Variants in PAM observed in about 807,000 individuals in gnomAD.
The protein encoded by PAM is peptidyl-glycine alpha-amidating monooxygenase.
In PAM, 72 loss-of-function variants were observed where a neutral mutation model predicts 122.1. The ratio of observed to expected loss-of-function variants is 0.59; its 90% CI spans 0.49 to 0.72. The LOEUF is 0.72. Among genes scored for constraint, PAM ranks in the 30% least tolerant of loss-of-function variants. The pLI, the probability that PAM is intolerant of heterozygous loss-of-function variation, is 0.00. For synonymous variants in PAM, 389 were observed against 404.4 expected (o/e 0.96, Z 0.46); for missense variants, 1,106 against 1,183.7 (o/e 0.93, Z 0.96).
intron 5 of PAM, among the ~76,000 whole-genome samples, chr5:102,916,496 A>C (rs908784615): frequency 1.3e-5 from 2 of 151,810 alleles, no homozygotes; most frequent in Admixed American, 1.3e-4. Flanking sequence ...GCTGTTATTC[A>C]TCATCTTTTA....
At chr5:102,783,778 C>T (rs968707014) in intron 1 of PAM, among the ~76,000 whole-genome samples, 2 of 152,138 alleles carry the variant, frequency 1.3e-5, no homozygotes, top group Non-Finnish European at 2.9e-5. Context: ...TAGAACCCAG[C>T]GCCTGCCGTC....
chr5:102,938,290 A>G (rs1753938261), intron 7 of PAM, among the ~76,000 whole-genome samples: 1 of 152,180 alleles, frequency 6.6e-6, no homozygotes, highest in Admixed American at 6.6e-5. Context: ...CATTGATTCC[A>G]TGGGACACCT....
At chr5:102,919,560 C>T (rs558742087) in intron 5 of PAM, among the ~76,000 whole-genome samples, 6 of 152,110 alleles carry the variant, frequency 3.9e-5, no homozygotes, top group Non-Finnish European at 8.8e-5. Flanking sequence ...ACATCCTTGT[C>T]AGTATAAATA....
intron 18 of PAM, among the ~76,000 whole-genome samples, chr5:103,006,504 A>G (rs2151059089): frequency 6.6e-6 from 1 of 152,310 alleles, no homozygotes; most frequent in Non-Finnish European, 1.5e-5. Flanking sequence ...GAAAGACAAA[A>G]AGGAAACATC....
intron 1 of PAM, among the ~76,000 whole-genome samples, chr5:102,788,643 C>T (rs1761229285): frequency 6.6e-6 from 1 of 151,938 alleles, no homozygotes; most frequent in Non-Finnish European, 1.5e-5. Context: ...TTTTTGACAC[C>T]ACTGAGTAAC....
chr5:102,981,788 A>G (rs1324814675), intron 15 of PAM, among the ~76,000 whole-genome samples: 3 of 152,234 alleles, frequency 2.0e-5, no homozygotes, highest in Admixed American at 2.0e-4. Context: ...TTTGACAACT[A>G]CATGAGAGAA....
chr5:102,979,722 T>G (rs1460529390), intron 15 of PAM, among the ~76,000 whole-genome samples: 3 of 152,134 alleles, frequency 2.0e-5, no homozygotes, highest in Non-Finnish European at 2.9e-5. Context: ...TCACTAATAT[T>G]AATCTCTTTC....
chr5:102,863,001 T>A (rs189768069), intron 1 of PAM, among the ~76,000 whole-genome samples: 11,330 of 146,258 alleles, frequency 0.077, 841 homozygotes, highest in East Asian at 0.2. Flanking sequence ...TTTTTTTTTT[T>A]AAAAAAAAAT....
At chr5:102,870,478 T>G (rs1036780215) in intron 3 of PAM, among the ~76,000 whole-genome samples, 3 of 152,152 alleles carry the variant, frequency 2.0e-5, no homozygotes, top group African/African-American at 7.2e-5. Context: ...GGCCTCTGAG[T>G]TGCCATTCTG....
chr5:102,964,144 G>C (rs1230551976), intron 14 of PAM, among the ~76,000 whole-genome samples: 2 of 151,824 alleles, frequency 1.3e-5, no homozygotes, highest in Non-Finnish European at 1.5e-5. Context: ...GATCTTTAAA[G>C]AAAGCCAGTG....
chr5:102,979,449 A>AG, intron 15 of PAM, among the ~76,000 whole-genome samples: 1 of 152,300 alleles, frequency 6.6e-6, no homozygotes, highest in East Asian at 1.9e-4. Context: ...GACCAAAATA[A>AG]GACATCCTTT....
chr5:102,916,828 G>C (rs1185428220), intron 5 of PAM, among the ~76,000 whole-genome samples: 1 of 151,160 alleles, frequency 6.6e-6, no homozygotes, highest in East Asian at 1.9e-4. Context: ...CACCTCCTGG[G>C]TTCAAGCAAT....
intron 1 of PAM, among the ~76,000 whole-genome samples, chr5:102,789,605 A>T (rs1001172449): frequency 2.0e-5 from 3 of 152,136 alleles, no homozygotes; most frequent in African/African-American, 7.2e-5. Flanking sequence ...AAGACAGAAG[A>T]TAGAATGCTA....
At chr5:102,946,963 A>T in intron 8 of PAM, 78 bp downstream of exon 8, 5 of 894,352 alleles carry the variant, frequency 5.6e-6, no homozygotes, top group Non-Finnish European at 9.3e-6. Context: ...TTACTGTATT[A>T]ATTATCTGTG....
intron 15 of PAM, 84 bp from the exon 16 acceptor site, chr5:102,990,188 A>C (rs888532883): frequency 2.0e-6 from 2 of 1,025,136 alleles, no homozygotes; most frequent in Non-Finnish European, 2.7e-6. Context: ...ATGTTATTGC[A>C]TGAGCTTCTT....
intron 1 of PAM, among the ~76,000 whole-genome samples, chr5:102,836,073 TG>T (rs1452446446): frequency 2.0e-5 from 3 of 152,108 alleles, no homozygotes; most frequent in Admixed American, 2.0e-4. Flanking sequence ...AGCAGTAAAA[TG>T]CAAAAAAGGC....
At chr5:102,900,862 A>G (rs924664648) in intron 3 of PAM, among the ~76,000 whole-genome samples, 4 of 151,612 alleles carry the variant, frequency 2.6e-5, no homozygotes, top group Admixed American at 2.0e-4. Flanking sequence ...TCAATGTATT[A>G]CATAAAAAAA....
At chr5:102,770,866 G>T (rs1367032195) in intron 1 of PAM, among the ~76,000 whole-genome samples, 1 of 151,934 alleles carries the variant, frequency 6.6e-6, no homozygotes, top group Admixed American at 6.6e-5. Context: ...CACAGAATGA[G>T]TTTGGAACTG....
At chr5:102,947,848 T>TAA (rs1029496563) in intron 8 of PAM, among the ~76,000 whole-genome samples, 1 of 151,102 alleles carries the variant, frequency 6.6e-6, no homozygotes, top group African/African-American at 2.4e-5. Flanking sequence ...AGAGAAAGAG[T>TAA]TGTTGTAAGG....
Sources: allele counts gnomAD v4.1 joint callset (sites outside exome capture counted in the v4.1 genomes callset), GRCh38; gene constraint gnomAD v4.1.1; transcripts MANE v1.5; gene names NCBI Gene and HGNC (gene_info 2026-07-23, HGNC 2026-07-21).